ZNF607: variants seen among roughly 807,000 people sequenced by gnomAD.
The protein encoded by ZNF607 is zinc finger protein 607.
Under a neutral mutation model 12.8 loss-of-function variants are expected in ZNF607, and 5 were observed. That is an observed-to-expected ratio of 0.39 (90% CI 0.20 to 0.82). ZNF607 has a LOEUF of 0.82. ZNF607 is among the 40% of genes least tolerant of loss of function. The pLI is 0.39. For missense variants in ZNF607, 851 were observed against 859.2 expected, an observed-to-expected ratio of 0.99 and a Z score of 0.12; for synonymous variants, 287 against 276.2, an observed-to-expected ratio of 1.04 and a Z score of -0.39.
At chr19:37,700,158 C>T (rs939650525) in intron 4 of ZNF607, among the ~76,000 whole-genome samples, 1 of 152,170 alleles carries the variant, frequency 6.6e-6, no homozygotes, top group Non-Finnish European at 1.5e-5. Flanking sequence ...AATACTCCCA[C>T]TGAGGGCAAT....
chr19:37,717,827 A>AG (rs895747624), intron 1 of ZNF607, among the ~76,000 whole-genome samples: 3 of 150,840 alleles, frequency 2.0e-5, no homozygotes, highest in African/African-American at 2.4e-5. Context: ...AAAAAAAAAA[A>AG]AAAGAAAGAA....
chr19:37,706,390 C>T (rs1599665025), intron 4 of ZNF607: 1 of 152,252 alleles, frequency 6.6e-6, no homozygotes, highest in Non-Finnish European at 1.5e-5. Context: ...ACCTTCAGTG[C>T]AAAGTTTGAG....
At chr19:37,711,864 G>A (rs371076111) in intron 1 of ZNF607, among the ~76,000 whole-genome samples, 172 bp from the exon 2 acceptor site, 75 of 152,132 alleles carry the variant, frequency 4.9e-4, no homozygotes, top group African/African-American at 1.7e-3. Context: ...CTACCCAAGG[G>A]CCTCACCTAC....
intron 4 of ZNF607, among the ~76,000 whole-genome samples, chr19:37,703,077 C>T (rs1363702753): frequency 2.0e-5 from 3 of 151,454 alleles, no homozygotes; most frequent in African/African-American, 7.3e-5. Context: ...CTCAGCCTCC[C>T]GAGTAGCTGG....
intron 1 of ZNF607, among the ~76,000 whole-genome samples, chr19:37,713,716 G>T (rs1052109997): frequency 1.3e-5 from 2 of 152,096 alleles, no homozygotes; most frequent in Non-Finnish European, 2.9e-5. Context: ...TGGGATTACA[G>T]GTGTGAGCCA....
rs191750586 is a variant in ZNF607, at chr19:37,709,522, G to C, written c.136+174C>G. ...TCACTGAAAGATAGAGAAGATGAAA[G>C]TGTTGAAAGGACCTGCCATTACTGA... On this transcript the variant is annotated intron_variant, in intron 3 of 4. Transcript: ENST00000355202. 1.4e-4 allele frequency among the ~76,000 whole-genome samples: 21 copies of C among 152,276 alleles called. No homozygotes were observed. The East Asian group carries it at 4.0e-3, about 29-fold the overall frequency.
Position 37,698,789 on chromosome 19 carries a change from G to T in ZNF607, c.1342C>A (p.Pro448Thr), listed in dbSNP as rs1568402541. The change falls in exon 5 of 5, where the codon CCC becomes ACC. Residue 448 changes from proline (P) to threonine (T), a missense_variant. Physicochemically the swap from Pro to Thr is conservative, Grantham distance 38. Coordinates refer to ENST00000355202, the MANE Select transcript of ZNF607 (RefSeq NM_032689.5). ...TTCCCACATTCTTTACATTCAAAGG[G>T]TTTGTAACCAGTATGAATTCTGTTA... Reference protein sequence around the residue: ...HHNRIHTGYKPFECKECGKSF... With the variant: ...HHNRIHTGYKTFECKECGKSF... 1.2e-6 allele frequency: 2 copies of T among 1,613,604 alleles called. No homozygotes were observed. Among genetic ancestry groups the T allele is most frequent in the Admixed American group, 3.3e-5 (2 of 59,946 alleles).
Position 37,698,003 on chromosome 19 carries a change from G to A in ZNF607, c.*37C>T. On this transcript the variant is annotated 3_prime_UTR_variant, in exon 5 of 5. Coordinates refer to ENST00000355202, the MANE Select transcript of ZNF607 (RefSeq NM_032689.5). ...TGGGATAAATCCATTGACACAATGT[G>A]CTTTCTTTACTACCTGTATATGCCA... The A allele has an allele frequency of 6.6e-7, 1 of 1,512,196 alleles. No individual in the cohort carries two copies. The highest frequency in any genetic ancestry group is 8.8e-7 in the Non-Finnish European group (1 of 1,132,956). 93.7% of individuals were successfully genotyped at this position (1,512,196 alleles called of 1,614,324 possible). A position where few individuals can be genotyped will look rare whatever the true frequency, so the allele number is the denominator to read the frequency against.
intron 4 of ZNF607, among the ~76,000 whole-genome samples, chr19:37,707,593 G>A (rs1405923856): frequency 6.6e-6 from 1 of 151,932 alleles, no homozygotes; most frequent in Non-Finnish European, 1.5e-5. Flanking sequence ...AATGTAGGGA[G>A]ACCTCATCTC....
rs1298355019 is a variant in ZNF607 at position 37,698,742 on chromosome 19, A to G, written c.1389T>C (p.Tyr463=). 6.2e-7 allele frequency: 1 copy of G among 1,613,384 alleles called. No individual in the cohort carries two copies. The highest frequency in any genetic ancestry group is 8.5e-7 in the Non-Finnish European group (1 of 1,179,412). The part of the protein sequence containing the change: ...ECGKSFRCAS[Y]LVIHERIHTG... ...TATGAATTCTCTCATGTATAACAAG[A>G]TATGAGGCACAACGAAAGGACTTCC... The change falls in exon 5 of 5, where the codon TAT becomes TAC. Residue 463 remains tyrosine, a synonymous_variant. Coordinates refer to ENST00000355202, the MANE Select transcript of ZNF607 (RefSeq NM_032689.5).
In ZNF607 at chr19:37,707,932, T is replaced by C. The variant is rs777744968; in HGVS notation, c.217A>G (p.Thr73Ala). 1.1e-5 allele frequency: 17 copies of C among 1,613,924 alleles called. No individual in the cohort carries two copies. Among genetic ancestry groups the C allele is most frequent in the Non-Finnish European group, 1.4e-5 (17 of 1,179,952 alleles). The change falls in exon 4 of 5, where the codon ACA becomes GCA. Residue 73 changes from threonine (T) to alanine (A), a missense_variant. Thr to Ala is a moderately conservative substitution (Grantham distance 58). Coordinates refer to ENST00000355202, the MANE Select transcript of ZNF607 (RefSeq NM_032689.5). ...CTCTTACCTGTACACTCTCCTCTTG[T>C]TTCTTCCCTCACAATCATCCATGGC... ...KEPWMIVREE[T>A]RGECTDLDSR...
chr19:37,697,601 CTAAA>C lies in ZNF607; in HGVS notation c.*435_*438del. 1 of 433,376 alleles carries C rather than the reference CTAAA, an allele frequency of 2.3e-6. No homozygotes were observed. 26.8% of individuals were successfully genotyped at this position (433,376 alleles called of 1,614,324 possible). A position where few individuals can be genotyped will look rare whatever the true frequency, so the allele number is the denominator to read the frequency against. The stretch of plus-strand genomic sequence containing the variant: ...CATGAGCATTAAATATGCAGAGTGG[CTAAA>C]TAGCCTTTCCCATCATCGCTTATAT... On this transcript the variant is annotated 3_prime_UTR_variant, in exon 5 of 5. Transcript: ENST00000355202.
At chr19:37,711,001 C>G (rs1210833373) in intron 2 of ZNF607, among the ~76,000 whole-genome samples, 3 of 152,214 alleles carry the variant, frequency 2.0e-5, no homozygotes, top group Non-Finnish European at 4.4e-5. Context: ...TACATTAAAT[C>G]TTACCATGAG....
chr19:37,706,216 A>G (rs2045082134), intron 4 of ZNF607, among the ~76,000 whole-genome samples: 1 of 151,228 alleles, frequency 6.6e-6, no homozygotes, highest in African/African-American at 2.4e-5. Context: ...AGAGAGGAGA[A>G]GAGAGGAGAA....
chr19:37,713,986 A>G (rs76341169), intron 1 of ZNF607, among the ~76,000 whole-genome samples: 4,070 of 152,176 alleles, frequency 0.027, 189 homozygotes, highest in African/African-American at 0.092. Context: ...TCAAAGGAAA[A>G]TAGTACCAAG....
At chr19:37,708,069 A>T in intron 3 of ZNF607, 57 bp from the exon 4 acceptor site, 1 of 1,415,260 alleles carries the variant, frequency 7.1e-7, no homozygotes, top group Non-Finnish European at 9.9e-7. Flanking sequence ...GGTAAAATTT[A>T]AAATTACAAT....
At position 37,714,911 on chromosome 19, in the gene ZNF607, TTC is replaced by T. The variant is rs2045163679; in HGVS notation, c.-74-3221_-74-3220del. On this transcript the variant is annotated intron_variant, in intron 1 of 4. Coordinates refer to ENST00000355202, the MANE Select transcript of ZNF607 (RefSeq NM_032689.5). Reference sequence around the variant, plus strand: ...TCTGTTGCTTCCTGTTTTTCTTTCTTTCTTTCTTTTTTTGAAATGGAGTCGCG... The same window carrying T: ...TCTGTTGCTTCCTGTTTTTCTTTCTTTTTCTTTTTTTGAAATGGAGTCGCG... Among the ~76,000 whole-genome samples the T allele has an allele frequency of 8.5e-5, 13 of 152,168 alleles. No individual in the cohort carries two copies. The South Asian group carries it at 2.5e-3, about 29-fold the overall frequency.
intron 1 of ZNF607, among the ~76,000 whole-genome samples, chr19:37,716,069 T>C (rs1267766376): frequency 6.6e-6 from 1 of 152,166 alleles, no homozygotes; most frequent in African/African-American, 2.4e-5. Context: ...CCTCTTAAAA[T>C]GCAGAGATAT....
chr19:37,705,704 A>C (rs989850402), intron 4 of ZNF607, among the ~76,000 whole-genome samples: 2 of 151,654 alleles, frequency 1.3e-5, no homozygotes, highest in South Asian at 4.2e-4. Context: ...AAAAAAAAAA[A>C]AACTTAGATG....
Sources: gnomAD v4.1 joint callset for allele counts (sites outside exome capture counted in the v4.1 genomes callset) on GRCh38, gnomAD v4.1.1 for gene constraint, MANE v1.5 for transcripts, NCBI Gene and HGNC (gene_info 2026-07-23, HGNC 2026-07-21) for gene names.